CLVS1: variants seen among roughly 807,000 people sequenced by gnomAD.
CLVS1 encodes clavesin 1, also known as clavesin-1.
In CLVS1, 10 loss-of-function variants were observed where a neutral mutation model predicts 33.1. The ratio of observed to expected loss-of-function variants is 0.30; its 90% CI spans 0.19 to 0.51. CLVS1 has a LOEUF of 0.51. Ranked by LOEUF, CLVS1 falls within the 20% of genes least tolerant of loss-of-function variation. CLVS1 has a pLI of 0.97. For missense variants in CLVS1, 343 were observed against 433.4 expected (o/e 0.79, Z 1.85); for synonymous variants, 163 against 166.1 (o/e 0.98, Z 0.14).
intron 2 of CLVS1, among the ~76,000 whole-genome samples, chr8:61,223,610 A>T (rs574420513): frequency 6.6e-6 from 1 of 151,986 alleles, no homozygotes; most frequent in South Asian, 2.1e-4. Flanking sequence ...TGCTCTTAAC[A>T]TTTTTTCCTC....
At chr8:61,128,659 G>T (rs1806024002) in intron 1 of CLVS1, among the ~76,000 whole-genome samples, 1 of 152,200 alleles carries the variant, frequency 6.6e-6, no homozygotes, top group Admixed American at 6.5e-5. Context: ...CTGGTTCAAT[G>T]CTTGGGTCAG....
At chr8:61,327,702 G>A (rs1782922712) in intron 2 of CLVS1, among the ~76,000 whole-genome samples, 1 of 151,880 alleles carries the variant, frequency 6.6e-6, no homozygotes, top group Admixed American at 6.5e-5. Context: ...GGTGTCACAA[G>A]GCCACTGACT....
chr8:61,420,396 G>A lies in CLVS1; in HGVS notation c.631-33745G>A, dbSNP rs566566716. The stretch of plus-strand genomic sequence containing the variant: ...AGGCAGATCATGAGGTCAGGAGTTC[G>A]AGACCAGACTGCCTGGCCAATATGG... On this transcript the variant is annotated intron_variant, in intron 3 of 5. Transcript: ENST00000325897. 2.6e-5 allele frequency among the ~76,000 whole-genome samples: 4 copies of A among 152,076 alleles called. No homozygotes were observed. The South Asian group carries it at 8.3e-4, about 32-fold the overall frequency.
the CLVS1 span, among the ~76,000 whole-genome samples, chr8:61,035,034 C>G: frequency 6.6e-6 from 1 of 152,128 alleles, no homozygotes; most frequent in Admixed American, 6.5e-5. Context: ...ACTTGAATAT[C>G]TGTATTATTC....
intron 2 of CLVS1, among the ~76,000 whole-genome samples, chr8:61,134,219 T>G (rs60420622): frequency 0.044 from 6,671 of 152,168 alleles, 469 homozygotes; most frequent in African/African-American, 0.15. Context: ...TCCACTCTGC[T>G]CAGCACATGC....
At chr8:61,267,973 T>C (rs930425296) in intron 2 of CLVS1, among the ~76,000 whole-genome samples, 2 of 152,174 alleles carry the variant, frequency 1.3e-5, no homozygotes, top group Admixed American at 6.5e-5. Context: ...GACTTTGCCA[T>C]TCATGGGCCC....
At position 61,130,211 on chromosome 8, in the gene CLVS1, G is replaced by A. The variant is rs940145536; in HGVS notation, c.-242-1559G>A. ...TGAAATCATGCCACTGCACTCTAGC[G>A]TGGGAGACAGAGTGAGACTCTGTCT... On this transcript the variant is annotated intron_variant, in intron 1 of 2. Coordinates refer to the CLVS1 transcript ENST00000522621. Among the ~76,000 whole-genome samples, 11 of 151,132 alleles carry A rather than the reference G, an allele frequency of 7.3e-5. No homozygotes were observed. The South Asian group carries it at 1.3e-3, about 17-fold the overall frequency.
chr8:60,982,414 A>G, the CLVS1 span, among the ~76,000 whole-genome samples: 1 of 152,220 alleles, frequency 6.6e-6, no homozygotes, highest in African/African-American at 2.4e-5. Context: ...GAATCAAGAT[A>G]ATAGGGTCTC....
chr8:61,170,069 A>G (rs1399768012), intron 2 of CLVS1, among the ~76,000 whole-genome samples: 1 of 152,188 alleles, frequency 6.6e-6, no homozygotes, highest in African/African-American at 2.4e-5. Flanking sequence ...ATACATATAT[A>G]TATATACACA....
At chr8:61,153,429 G>A (rs1806582830) in intron 2 of CLVS1, among the ~76,000 whole-genome samples, 1 of 152,236 alleles carries the variant, frequency 6.6e-6, no homozygotes, top group Non-Finnish European at 1.5e-5. Context: ...ATGTTTACAG[G>A]TTAGAAGAAA....
intron 1 of CLVS1, among the ~76,000 whole-genome samples, chr8:61,289,600 G>A (rs1809907086): frequency 6.6e-6 from 1 of 152,110 alleles, no homozygotes; most frequent in Admixed American, 6.5e-5. Flanking sequence ...GGAATAATAG[G>A]TCACACATGA....
the CLVS1 span, among the ~76,000 whole-genome samples, chr8:61,038,022 G>A: frequency 1.3e-5 from 2 of 152,170 alleles, no homozygotes; most frequent in Non-Finnish European, 2.9e-5. Context: ...CTTTCTGGGT[G>A]AGAGCACAGC....
chr8:61,237,288 GA>G (rs796381560), intron 2 of CLVS1, among the ~76,000 whole-genome samples: 11 of 150,794 alleles, frequency 7.3e-5, no homozygotes, highest in African/African-American at 2.4e-4. Flanking sequence ...AATAGGAAAA[GA>G]AAAAAAAAGG....
chr8:61,477,233 A>T (rs1307262754), intron 5 of CLVS1, among the ~76,000 whole-genome samples: 1 of 152,208 alleles, frequency 6.6e-6, no homozygotes, highest in Non-Finnish European at 1.5e-5. Flanking sequence ...AACGATGTTC[A>T]TCAAGGATAT....
chr8:60,991,510 G>A, the CLVS1 span, among the ~76,000 whole-genome samples: 487 of 152,294 alleles, frequency 3.2e-3, 2 homozygotes, highest in African/African-American at 0.011. Context: ...ATCAGATCCA[G>A]ATCCTATTAC....
chr8:61,349,176 C>T (rs140680559), intron 2 of CLVS1, among the ~76,000 whole-genome samples: 92 of 152,138 alleles, frequency 6.0e-4, no homozygotes, highest in African/African-American at 1.7e-3. Context: ...TGTCTTTTCA[C>T]TCTGTTCATT....
intron 5 of CLVS1, among the ~76,000 whole-genome samples, chr8:61,478,293 G>A (rs1021915226): frequency 2.0e-5 from 3 of 152,218 alleles, no homozygotes; most frequent in Admixed American, 6.5e-5. Context: ...TGTATATTCT[G>A]TTGATTTGGG....
chr8:61,212,787 G>T (rs1047894171), intron 2 of CLVS1, among the ~76,000 whole-genome samples: 2 of 152,184 alleles, frequency 1.3e-5, no homozygotes, highest in Non-Finnish European at 2.9e-5. Context: ...GCTGCTGCCA[G>T]CAGGGAGGCG....
At chr8:61,292,999 G>A (rs1194083433) in intron 1 of CLVS1, among the ~76,000 whole-genome samples, 1 of 152,182 alleles carries the variant, frequency 6.6e-6, no homozygotes, top group Non-Finnish European at 1.5e-5. Flanking sequence ...TCTCTACTCT[G>A]ATGGAGCTCA....
Sources: allele counts gnomAD v4.1 joint callset (sites outside exome capture counted in the v4.1 genomes callset), GRCh38; gene constraint gnomAD v4.1.1; transcripts MANE v1.5; gene names NCBI Gene and HGNC (gene_info 2026-07-23, HGNC 2026-07-21).